CNTNAP2: variants seen among roughly 807,000 people sequenced by gnomAD.
CNTNAP2 encodes the protein contactin associated protein 2, also known as contactin-associated protein-like 2.
CNTNAP2 carries 98 observed loss-of-function variants against 155.2 expected under a neutral mutation model. The observed-to-expected ratio is 0.63, with a 90% CI of 0.54 to 0.75. The LOEUF is 0.75. Among genes scored for constraint, CNTNAP2 ranks in the 30% least tolerant of loss-of-function variants. The pLI, the probability that CNTNAP2 is intolerant of heterozygous loss-of-function variation, is 0.00. For synonymous variants in CNTNAP2, 651 were observed against 631.2 expected, an observed-to-expected ratio of 1.03 and a Z score of -0.47; for missense variants, 1,727 against 1,688.1, an observed-to-expected ratio of 1.02 and a Z score of -0.40.
At chr7:147,453,537 A>G (rs1252055252) in intron 10 of CNTNAP2, among the ~76,000 whole-genome samples, 2 of 152,202 alleles carry the variant, frequency 1.3e-5, no homozygotes, top group Non-Finnish European at 2.9e-5. Flanking sequence ...TATCACATTC[A>G]GTTCTCACAA....
At position 147,597,455 on chromosome 7, in the gene CNTNAP2, A is replaced by G. The variant is rs533244055; in HGVS notation, c.1897+35198A>G. Among the ~76,000 whole-genome samples the G allele has an allele frequency of 5.3e-5, 8 of 152,094 alleles. No homozygotes were observed. In the East Asian group the frequency reaches 1.4e-3, roughly 26 times the overall value. On this transcript the variant is annotated intron_variant, in intron 12 of 23. Coordinates refer to ENST00000361727, the MANE Select transcript of CNTNAP2 (RefSeq NM_014141.6). ...TGGTATTTTTTACTAAAATCTATTT[A>G]TTTCCTGAAAATTACCCATCCTATT... is the stretch of plus-strand genomic sequence containing the variant.
At chr7:147,181,622 A>G (rs1802456527) in intron 8 of CNTNAP2, among the ~76,000 whole-genome samples, 1 of 152,216 alleles carries the variant, frequency 6.6e-6, no homozygotes, top group Non-Finnish European at 1.5e-5. Flanking sequence ...GGTGAAGTAC[A>G]AGAAGTTTGA....
chr7:146,240,223 T>G (rs1799538170), intron 1 of CNTNAP2, among the ~76,000 whole-genome samples: 1 of 152,204 alleles, frequency 6.6e-6, no homozygotes, highest in African/African-American at 2.4e-5. Flanking sequence ...GTTAACTGGA[T>G]AACAGTGCAT....
At chr7:147,240,131 C>T (rs1803903870) in intron 8 of CNTNAP2, among the ~76,000 whole-genome samples, 1 of 152,050 alleles carries the variant, frequency 6.6e-6, no homozygotes, top group Non-Finnish European at 1.5e-5. Context: ...AGCCTGGCAA[C>T]ATAGCAAGAT....
At chr7:146,424,580 A>G (rs758720955) in intron 1 of CNTNAP2, among the ~76,000 whole-genome samples, 4 of 151,592 alleles carry the variant, frequency 2.6e-5, no homozygotes, top group Non-Finnish European at 5.9e-5. Flanking sequence ...GGTATTCAGT[A>G]TAAATTATTT....
chr7:147,189,742 C>CT (rs1250813809), intron 8 of CNTNAP2, among the ~76,000 whole-genome samples: 2 of 109,004 alleles, frequency 1.8e-5, no homozygotes, highest in Admixed American at 9.3e-5. Flanking sequence ...ATTAACACCA[C>CT]TTTTTTTTGT....
At chr7:146,597,554 A>G (rs546027414) in intron 1 of CNTNAP2, among the ~76,000 whole-genome samples, 37 of 152,192 alleles carry the variant, frequency 2.4e-4, no homozygotes, top group Middle Eastern at 3.4e-3. Context: ...GGTGCTTTAC[A>G]TAATACTCAT....
chr7:146,438,446 T>C (rs1796274642), intron 1 of CNTNAP2, among the ~76,000 whole-genome samples: 1 of 151,478 alleles, frequency 6.6e-6, no homozygotes, highest in Admixed American at 6.6e-5. Context: ...CTCTACTGGA[T>C]AAGAGAGTAA....
At chr7:147,820,754 A>G (rs1377227601) in intron 13 of CNTNAP2, among the ~76,000 whole-genome samples, 1 of 152,132 alleles carries the variant, frequency 6.6e-6, no homozygotes, top group Non-Finnish European at 1.5e-5. Context: ...AACATTTGTG[A>G]AAAAAACTTA....
intron 6 of CNTNAP2, 74 bp downstream of exon 6, chr7:147,121,237 G>A: frequency 7.0e-7 from 1 of 1,428,460 alleles, no homozygotes; most frequent in East Asian, 2.4e-5. Flanking sequence ...TTGTATTATT[G>A]TTAATTATAT....
intron 11 of CNTNAP2, among the ~76,000 whole-genome samples, chr7:147,506,066 A>T: frequency 6.6e-6 from 1 of 152,176 alleles, no homozygotes; most frequent in East Asian, 1.9e-4. Flanking sequence ...AGGAGATGTC[A>T]TGAGCCTTCT....
intron 12 of CNTNAP2, chr7:147,638,705 G>C (rs549234136): frequency 2.6e-6 from 1 of 380,934 alleles, no homozygotes; most frequent in Admixed American, 4.0e-5. Flanking sequence ...GCTTGAAAGA[G>C]AGCATAGTTC....
At chr7:146,882,578 A>T (rs1404981116) in intron 3 of CNTNAP2, among the ~76,000 whole-genome samples, 5 of 152,022 alleles carry the variant, frequency 3.3e-5, no homozygotes, top group Non-Finnish European at 7.4e-5. Flanking sequence ...TTCTGCCATG[A>T]TTGTGAGTTT....
At chr7:147,188,408 T>C (rs1169491208) in intron 8 of CNTNAP2, among the ~76,000 whole-genome samples, 1 of 152,216 alleles carries the variant, frequency 6.6e-6, no homozygotes, top group Non-Finnish European at 1.5e-5. Context: ...TGATATTTTG[T>C]GGCAGGTAAT....
intron 13 of CNTNAP2, among the ~76,000 whole-genome samples, chr7:147,793,447 T>C (rs1382762025): frequency 1.3e-5 from 2 of 152,126 alleles, no homozygotes; most frequent in African/African-American, 4.8e-5. Flanking sequence ...ATACTGCTTT[T>C]TCCCCATTGA....
intron 11 of CNTNAP2, among the ~76,000 whole-genome samples, chr7:147,541,929 C>G (rs577991125): frequency 5.3e-4 from 81 of 152,174 alleles, no homozygotes; most frequent in African/African-American, 1.6e-3. Flanking sequence ...CAGTTTTGGC[C>G]CAGATAACAG....
At chr7:147,572,485 A>G (rs1228165781) in intron 12 of CNTNAP2, among the ~76,000 whole-genome samples, 1 of 152,132 alleles carries the variant, frequency 6.6e-6, no homozygotes, top group African/African-American at 2.4e-5. Context: ...TCTTCCTTCA[A>G]ATGTTTTCAT....
intron 21 of CNTNAP2, among the ~76,000 whole-genome samples, chr7:148,281,184 T>G (rs1434299120): frequency 6.6e-6 from 1 of 152,158 alleles, no homozygotes; most frequent in African/African-American, 2.4e-5. Context: ...AGCTTAGAAT[T>G]TTGTAGTTCT....
chr7:147,702,408 C>A (rs1286991106), intron 13 of CNTNAP2, among the ~76,000 whole-genome samples: 1 of 152,072 alleles, frequency 6.6e-6, no homozygotes, highest in Admixed American at 6.6e-5. Context: ...TCTGTTATGA[C>A]AACAAACCTA....
Sources: gnomAD v4.1 joint callset for allele counts (sites outside exome capture counted in the v4.1 genomes callset) on GRCh38, gnomAD v4.1.1 for gene constraint, MANE v1.5 for transcripts, NCBI Gene and HGNC (gene_info 2026-07-23, HGNC 2026-07-21) for gene names.